Variants in MRE11 observed in about 807,000 individuals in gnomAD.
The protein encoded by MRE11 is MRE11 double strand break repair nuclease.
Under a neutral mutation model 91.7 loss-of-function variants are expected in MRE11, and 62 were observed. That is an observed-to-expected ratio of 0.68 (90% CI 0.55 to 0.84). MRE11 has a LOEUF of 0.84. Among genes scored for constraint, MRE11 ranks in the 40% least tolerant of loss-of-function variants. MRE11 has a pLI of 0.00. For synonymous variants in MRE11, 273 were observed against 271.4 expected (o/e 1.01, Z -0.06); for missense variants, 796 against 852.9 (o/e 0.93, Z 0.83).
chr11:94,440,574 A>C (rs1217633181), intron 16 of MRE11, among the ~76,000 whole-genome samples: 1 of 152,182 alleles, frequency 6.6e-6, no homozygotes, highest in Non-Finnish European at 1.5e-5. Flanking sequence ...GAAAATGTTA[A>C]CATTGGTTTT....
the MRE11 span, among the ~76,000 whole-genome samples, chr11:94,500,700 T>G: frequency 1.1e-4 from 17 of 152,330 alleles, 1 homozygote; most frequent in African/African-American, 3.8e-4. Context: ...ACTAGTTGCC[T>G]TTGCTTTTAT....
rs1340928739 is a variant in MRE11, at chr11:94,470,460, A to G, written c.1017+11T>C. 10 of 1,611,648 alleles carry G rather than the reference A, an allele frequency of 6.2e-6. No homozygotes were observed. Among genetic ancestry groups the G allele is most frequent in the Non-Finnish European group, 8.5e-6 (10 of 1,178,310 alleles). ...AAAGTAGATCTCATTGACTTTATCA[A>G]AAAGAATTACCTTCTCCAAACAGAA... On this transcript the variant is annotated intron_variant, in intron 9 of 19. Transcript: ENST00000323929.
At chr11:94,496,076 G>C (rs1221420093), upstream of MRE11, among the ~76,000 whole-genome samples, 2 of 152,184 alleles carry the variant, frequency 1.3e-5, no homozygotes. Context: ...AATTATCAAA[G>C]TAGAAATAGG....
At chr11:94,481,632 A>G (rs1044139642) in intron 4 of MRE11, among the ~76,000 whole-genome samples, 2 of 152,200 alleles carry the variant, frequency 1.3e-5, no homozygotes, top group Non-Finnish European at 2.9e-5. Context: ...AGTTTCTCCT[A>G]GCAGTTTTAC....
chr11:94,417,683 G>C lies in MRE11; in HGVS notation c.*2442C>G, dbSNP rs1372163353. 4.3e-6 allele frequency: 1 copy of C among 232,862 alleles called. No homozygotes were observed. The highest frequency in any genetic ancestry group is 8.5e-6 in the Non-Finnish European group (1 of 117,914). The allele number at this position is 232,862 out of a possible 1,614,324, so 14.4% of individuals were successfully genotyped here. A position where few individuals can be genotyped will look rare whatever the true frequency, so the allele number is the denominator to read the frequency against. Reference sequence around the variant, plus strand: ...CATCCAGGACACTGCGCTATTTCTTGACCTGTAGAGGGATTCCATCAGTGC... The same window carrying C: ...CATCCAGGACACTGCGCTATTTCTTCACCTGTAGAGGGATTCCATCAGTGC... On this transcript the variant is annotated 3_prime_UTR_variant, in exon 20 of 20. Coordinates refer to ENST00000323929, the MANE Select transcript of MRE11 (RefSeq NM_005591.4).
At chr11:94,489,747 C>G (rs1178127471) in intron 3 of MRE11, among the ~76,000 whole-genome samples, 2 of 152,174 alleles carry the variant, frequency 1.3e-5, no homozygotes, top group Admixed American at 1.3e-4. Context: ...TTCTCCAACT[C>G]TCTCCTGGGC....
chr11:94,439,023 T>C (rs1369799540), intron 16 of MRE11, among the ~76,000 whole-genome samples: 1 of 152,220 alleles, frequency 6.6e-6, no homozygotes, highest in African/African-American at 2.4e-5. Context: ...CTAACTTCAA[T>C]GGAAAAATCT....
intron 10 of MRE11, among the ~76,000 whole-genome samples, chr11:94,465,117 C>T (rs1946526684): frequency 6.6e-6 from 1 of 152,192 alleles, no homozygotes; most frequent in African/African-American, 2.4e-5. Context: ...AGCAGGTACT[C>T]AGTAAGATTT....
At chr11:94,506,531 A>G in the MRE11 span, among the ~76,000 whole-genome samples, 2 of 152,116 alleles carry the variant, frequency 1.3e-5, no homozygotes, top group Non-Finnish European at 2.9e-5. Flanking sequence ...TAAAATTGAT[A>G]AGATTATCTT....
At chr11:94,471,544 A>T in intron 8 of MRE11, 30 bp downstream of exon 8, 1 of 1,606,238 alleles carries the variant, frequency 6.2e-7, no homozygotes, top group Non-Finnish European at 8.5e-7. Flanking sequence ...AAGATTTCTT[A>T]AAAATTGGCT....
chr11:94,508,327 G>A, the MRE11 span, among the ~76,000 whole-genome samples: 754 of 152,258 alleles, frequency 5.0e-3, 6 homozygotes, highest in African/African-American at 0.017. Context: ...TGTTTAAAAA[G>A]TAGTTGTCTA....
intron 19 of MRE11, among the ~76,000 whole-genome samples, chr11:94,424,051 C>A (rs1040589632): frequency 5.9e-5 from 9 of 152,148 alleles, no homozygotes; most frequent in African/African-American, 2.2e-4. Flanking sequence ...AGGTACAGTG[C>A]CAGTGATAGG....
chr11:94,496,682 T>A, upstream of MRE11: 3 of 1,564,460 alleles, frequency 1.9e-6, no homozygotes, highest in South Asian at 3.6e-5. Flanking sequence ...TTATTTAGAA[T>A]AGTAGTAAAA....
At chr11:94,508,595 G>A in the MRE11 span, among the ~76,000 whole-genome samples, 1 of 152,014 alleles carries the variant, frequency 6.6e-6, no homozygotes, top group Non-Finnish European at 1.5e-5. Context: ...ATATTTAGTT[G>A]GGTCTGTTTC....
chr11:94,469,081 TAC>T (rs1463206952), intron 9 of MRE11, among the ~76,000 whole-genome samples: 1 of 152,120 alleles, frequency 6.6e-6, no homozygotes, highest in Non-Finnish European at 1.5e-5. Context: ...GTACATAAAA[TAC>T]AGAGATAACA....
At chr11:94,445,614 A>T (rs1255345342) in intron 16 of MRE11, 196 bp downstream of exon 16, 2 of 545,480 alleles carry the variant, frequency 3.7e-6, no homozygotes, top group Non-Finnish European at 6.6e-6. Context: ...GGCCTATAAA[A>T]CATGATTTTA....
At chr11:94,423,795 A>G (rs373794086) in intron 19 of MRE11, among the ~76,000 whole-genome samples, 175 of 152,378 alleles carry the variant, frequency 1.1e-3, no homozygotes, top group African/African-American at 4.0e-3. Context: ...GGCTGGTCCC[A>G]GTGCTACAGG....
At chr11:94,506,872 G>C in the MRE11 span, among the ~76,000 whole-genome samples, 3 of 152,100 alleles carry the variant, frequency 2.0e-5, no homozygotes, top group Non-Finnish European at 4.4e-5. Flanking sequence ...TTATAGGTGT[G>C]AGCCACGGTG....
chr11:94,422,482 AG>A (rs1945198189), intron 19 of MRE11, among the ~76,000 whole-genome samples: 1 of 152,182 alleles, frequency 6.6e-6, no homozygotes, highest in African/African-American at 2.4e-5. Context: ...TAATATTAAA[AG>A]CTCTTGGGAT....
Sources: gnomAD v4.1 joint callset for allele counts (sites outside exome capture counted in the v4.1 genomes callset) on GRCh38, gnomAD v4.1.1 for gene constraint, MANE v1.5 for transcripts, NCBI Gene and HGNC (gene_info 2026-07-23, HGNC 2026-07-21) for gene names.